SHISA9: variants seen among roughly 807,000 people sequenced by gnomAD.
SHISA9 encodes the protein shisa family member 9.
Under a neutral mutation model 38.0 loss-of-function variants are expected in SHISA9, and 13 were observed. The observed-to-expected ratio is 0.34, with a 90% CI of 0.22 to 0.54. The LOEUF (loss-of-function observed/expected upper bound fraction) is 0.54. Ranked by LOEUF, SHISA9 falls within the 20% of genes least tolerant of loss-of-function variation. The pLI is 0.91. For synonymous variants in SHISA9, 275 were observed against 242.0 expected (o/e 1.14, Z -1.27); for missense variants, 538 against 575.8 (o/e 0.93, Z 0.67).
intron 2 of SHISA9, among the ~76,000 whole-genome samples, chr16:13,010,716 C>G (rs926448059): frequency 1.3e-5 from 2 of 152,128 alleles, no homozygotes; most frequent in Non-Finnish European, 2.9e-5. Context: ...CTTTGGGAGG[C>G]CAAGGCGGGC....
chr16:13,061,977 C>T (rs1332059257), intron 2 of SHISA9, among the ~76,000 whole-genome samples: 1 of 152,078 alleles, frequency 6.6e-6, no homozygotes, highest in East Asian at 1.9e-4. Context: ...GAGAGCAGGC[C>T]GGTGGGGCTG....
At chr16:13,178,996 G>A (rs151117191) in intron 2 of SHISA9, among the ~76,000 whole-genome samples, 3 of 152,230 alleles carry the variant, frequency 2.0e-5, no homozygotes, top group African/African-American at 7.2e-5. Context: ...GATGTCTAAG[G>A]CTTTGAGTAA....
At chr16:13,190,250 TC>T (rs2050871217) in intron 2 of SHISA9, among the ~76,000 whole-genome samples, 1 of 113,252 alleles carries the variant, frequency 8.8e-6, no homozygotes, top group African/African-American at 3.5e-5. Context: ...CCCACAACAG[TC>T]CCCAGAGTGT....
At chr16:13,535,612 T>G in the SHISA9 span, among the ~76,000 whole-genome samples, 2 of 152,224 alleles carry the variant, frequency 1.3e-5, no homozygotes, top group South Asian at 4.1e-4. Flanking sequence ...TCACAAAGTC[T>G]AAAATTCTTA....
the SHISA9 span, among the ~76,000 whole-genome samples, chr16:13,527,860 A>G: frequency 1.3e-5 from 2 of 152,242 alleles, no homozygotes; most frequent in Non-Finnish European, 2.9e-5. Flanking sequence ...TCAAAAAAGT[A>G]TAAGACTTTG....
At chr16:13,090,671 C>T (rs1446562920) in intron 2 of SHISA9, among the ~76,000 whole-genome samples, 1 of 152,142 alleles carries the variant, frequency 6.6e-6, no homozygotes, top group African/African-American at 2.4e-5. Context: ...CTTCTTCCAC[C>T]CCTCTATTTT....
chr16:13,289,521 GCAAA>G, the SHISA9 span, among the ~76,000 whole-genome samples: 5 of 151,256 alleles, frequency 3.3e-5, no homozygotes, highest in African/African-American at 4.9e-5. Flanking sequence ...TAAGCAAAAA[GCAAA>G]CAAACAAACA....
At chr16:13,156,384 T>C (rs1039817808) in intron 2 of SHISA9, among the ~76,000 whole-genome samples, 8 of 152,168 alleles carry the variant, frequency 5.3e-5, no homozygotes, top group Non-Finnish European at 1.2e-4. Flanking sequence ...TGTACACGCG[T>C]ATATGCACAC....
chr16:12,977,185 C>G (rs545682060), intron 2 of SHISA9, among the ~76,000 whole-genome samples: 19 of 152,096 alleles, frequency 1.2e-4, no homozygotes, highest in African/African-American at 4.3e-4. Flanking sequence ...AATGGAGGCT[C>G]GGTTGGGCTG....
At position 13,235,527 on chromosome 16, in the gene SHISA9, A is replaced by C; in HGVS notation, c.*118A>C. 1 of 1,253,964 alleles carries C rather than the reference A, an allele frequency of 8.0e-7. No individual in the cohort carries two copies. Among genetic ancestry groups the C allele is most frequent in the Non-Finnish European group, 1.1e-6 (1 of 932,402 alleles). 77.7% of individuals were successfully genotyped at this position (1,253,964 alleles called of 1,614,324 possible). ...ATGCGTCCACACACTCACTCTCAAC[A>C]AGAACCAACTCTAAACCTACTGGGG... On this transcript the variant is annotated 3_prime_UTR_variant, in exon 5 of 5. Coordinates refer to ENST00000558583, the MANE Select transcript of SHISA9 (RefSeq NM_001145204.3).
the SHISA9 span, among the ~76,000 whole-genome samples, chr16:13,450,945 C>A: frequency 2.6e-5 from 4 of 152,156 alleles, no homozygotes; most frequent in African/African-American, 9.7e-5. Flanking sequence ...ATCAGTGTCC[C>A]CTCTTTTTCC....
At chr16:13,416,142 A>C in the SHISA9 span, among the ~76,000 whole-genome samples, 1 of 152,216 alleles carries the variant, frequency 6.6e-6, no homozygotes, top group East Asian at 1.9e-4. Context: ...AAAAAACCTC[A>C]AAAAGTAAAA....
intron 2 of SHISA9, among the ~76,000 whole-genome samples, chr16:13,125,666 T>C (rs1227896400): frequency 1.3e-5 from 2 of 152,048 alleles, no homozygotes; most frequent in African/African-American, 4.8e-5. Flanking sequence ...CCTCATAGAG[T>C]TGGTGTTTCT....
the SHISA9 span, among the ~76,000 whole-genome samples, chr16:13,499,535 T>A: frequency 6.6e-6 from 1 of 152,194 alleles, no homozygotes; most frequent in Non-Finnish European, 1.5e-5. Flanking sequence ...CATTTGTCTC[T>A]GGGTTCTGGG....
chr16:13,419,232 T>C, the SHISA9 span, among the ~76,000 whole-genome samples: 1 of 152,196 alleles, frequency 6.6e-6, no homozygotes, highest in Non-Finnish European at 1.5e-5. Context: ...CAGGGAGCCC[T>C]GAATAAATGA....
intron 2 of SHISA9, among the ~76,000 whole-genome samples, chr16:12,934,412 C>T (rs2071502212): frequency 6.6e-6 from 1 of 152,170 alleles, no homozygotes. Context: ...ATTAAAGACT[C>T]CTAGAATATA....
chr16:13,279,407 A>C, the SHISA9 span, among the ~76,000 whole-genome samples: 6 of 151,924 alleles, frequency 3.9e-5, no homozygotes, highest in Non-Finnish European at 5.9e-5. Context: ...TGTTATGTCC[A>C]TTTGTTCCAA....
At chr16:13,314,179 T>A in the SHISA9 span, among the ~76,000 whole-genome samples, 1 of 151,626 alleles carries the variant, frequency 6.6e-6, no homozygotes, top group South Asian at 2.1e-4. Context: ...TGGGAGCAAC[T>A]CCTTATTCTT....
chr16:13,190,412 A>G (rs1328629630), intron 2 of SHISA9, among the ~76,000 whole-genome samples: 1 of 152,194 alleles, frequency 6.6e-6, no homozygotes, highest in East Asian at 1.9e-4. Flanking sequence ...TTCAGAACTG[A>G]TAACAATACA....
Sources: gnomAD v4.1 joint callset for allele counts (sites outside exome capture counted in the v4.1 genomes callset) on GRCh38, gnomAD v4.1.1 for gene constraint, MANE v1.5 for transcripts, NCBI Gene and HGNC (gene_info 2026-07-23, HGNC 2026-07-21) for gene names.